The following UGGT2 variants were observed in gnomAD, a reference collection of about 807,000 sequenced individuals.
The protein encoded by UGGT2 is UDP-glucose:glycoprotein glucosyltransferase 2.
A neutral mutation model predicts 192.1 loss-of-function variants in UGGT2; 180 were observed. The observed-to-expected ratio is 0.94, with a 90% CI of 0.83 to 1.06. The LOEUF (loss-of-function observed/expected upper bound fraction) is 1.06. Among genes scored for constraint, UGGT2 ranks in the 50% least tolerant of loss-of-function variants. UGGT2 has a pLI of 0.00. For synonymous variants in UGGT2, 580 were observed against 591.0 expected, an observed-to-expected ratio of 0.98 and a Z score of 0.27; for missense variants, 1,849 against 1,795.7, an observed-to-expected ratio of 1.03 and a Z score of -0.54.
At position 95,927,226 on chromosome 13, in the gene UGGT2, T is replaced by C; in HGVS notation, c.2088A>G (p.Leu696=). The C allele has an allele frequency of 6.2e-7, 1 of 1,611,598 alleles. No individual in the cohort carries two copies. Among genetic ancestry groups the C allele is most frequent in the Non-Finnish European group, 8.5e-7 (1 of 1,178,198 alleles). The change falls in exon 18 of 39, where the codon TTA becomes TTG. Residue 696 remains leucine, a synonymous_variant. Coordinates refer to ENST00000376747, the MANE Select transcript of UGGT2 (RefSeq NM_020121.4). ...ILRTNQQYLN[L]ISTSVTADVE... is the part of the protein sequence containing the mutation. The stretch of plus-strand genomic sequence containing the variant: ...GGATTATTTTACCTGATGTAGATAT[T>C]AAATTGAGGTACTGCTGGTTAGTAC...
chr13:95,945,656 T>C (rs2049840867), intron 15 of UGGT2, among the ~76,000 whole-genome samples: 1 of 152,190 alleles, frequency 6.6e-6, no homozygotes, highest in South Asian at 2.1e-4. Flanking sequence ...TTGAATATCA[T>C]AATGATCCTT....
At chr13:95,986,483 A>T in intron 8 of UGGT2, 51 bp from the exon 9 acceptor site, 1 of 1,293,936 alleles carries the variant, frequency 7.7e-7, no homozygotes, top group Non-Finnish European at 1.1e-6. Flanking sequence ...AGACCTTTAT[A>T]GACATTTCCA....
At chr13:95,814,533 T>C (rs1047733170) in intron 38 of UGGT2, among the ~76,000 whole-genome samples, 30 of 152,342 alleles carry the variant, frequency 2.0e-4, no homozygotes, top group African/African-American at 6.5e-4. Context: ...CCTTTGTATC[T>C]TGGAAATAAC....
At chr13:95,987,421 C>T (rs932753292) in intron 8 of UGGT2, among the ~76,000 whole-genome samples, 1 of 152,156 alleles carries the variant, frequency 6.6e-6, no homozygotes, top group African/African-American at 2.4e-5. Context: ...TATGCATACT[C>T]TTTGCTTAAA....
At chr13:95,805,502 T>C (rs1009472635) in intron 38 of UGGT2, among the ~76,000 whole-genome samples, 2 of 152,202 alleles carry the variant, frequency 1.3e-5, no homozygotes, top group Non-Finnish European at 2.9e-5. Context: ...TTACTCACAG[T>C]AGCCAAAAGG....
chr13:96,014,794 A>G (rs2052276365), intron 4 of UGGT2, among the ~76,000 whole-genome samples: 1 of 152,182 alleles, frequency 6.6e-6, no homozygotes, highest in South Asian at 2.1e-4. Context: ...AACTATTAAA[A>G]TTATTCTCAT....
At chr13:95,854,177 G>A (rs1889343422) in intron 35 of UGGT2, 138 bp downstream of exon 35, 3 of 838,356 alleles carry the variant, frequency 3.6e-6, no homozygotes, top group African/African-American at 1.7e-5. Flanking sequence ...AAGAGTGACT[G>A]GCATGAAATG....
intron 20 of UGGT2, among the ~76,000 whole-genome samples, chr13:95,910,333 C>G (rs539958724): frequency 2.0e-5 from 3 of 152,022 alleles, no homozygotes; most frequent in Non-Finnish European, 2.9e-5. Context: ...AGTGTGCTGT[C>G]TTCAGGAGAC....
intron 20 of UGGT2, among the ~76,000 whole-genome samples, chr13:95,904,497 C>T (rs929764741): frequency 7.2e-6 from 1 of 138,640 alleles, no homozygotes; most frequent in Non-Finnish European, 1.5e-5. Flanking sequence ...TTCCTGTGTC[C>T]ATGTGATCTC....
chr13:95,954,277 A>G (rs1439780027), intron 12 of UGGT2, among the ~76,000 whole-genome samples: 1 of 152,208 alleles, frequency 6.6e-6, no homozygotes, highest in Non-Finnish European at 1.5e-5. Flanking sequence ...ATAAAATTCT[A>G]TGCCCCACAA....
chr13:95,866,628 C>T (rs192544103), intron 30 of UGGT2, among the ~76,000 whole-genome samples: 22 of 152,224 alleles, frequency 1.4e-4, no homozygotes, highest in Middle Eastern at 3.4e-3. Flanking sequence ...GAAAATAGAG[C>T]TAGTTTATTG....
intron 22 of UGGT2, 133 bp downstream of exon 22, chr13:95,900,674 G>T (rs1189185631): frequency 2.2e-5 from 19 of 872,710 alleles, no homozygotes; most frequent in Non-Finnish European, 2.6e-5. Flanking sequence ...GCTGAGTTGT[G>T]TCTGGTGTCT....
intron 38 of UGGT2, among the ~76,000 whole-genome samples, chr13:95,829,527 C>A (rs1036066124): frequency 2.6e-5 from 4 of 152,106 alleles, no homozygotes; most frequent in African/African-American, 9.7e-5. Flanking sequence ...ACACCATTAA[C>A]AGACAAAGAG....
chr13:95,986,236 A>T, intron 9 of UGGT2, 97 bp downstream of exon 9: 1 of 843,758 alleles, frequency 1.2e-6, no homozygotes, highest in Non-Finnish European at 1.9e-6. Context: ...ACTAGAACTA[A>T]TTGACACCTT....
intron 38 of UGGT2, 141 bp from the exon 39 acceptor site, chr13:95,801,953 G>T: frequency 1.2e-6 from 1 of 858,026 alleles, no homozygotes; most frequent in African/African-American, 1.7e-5. Flanking sequence ...GCTTCATTAC[G>T]CAACACGAGA....
At position 95,986,682 on chromosome 13, in the gene UGGT2, G is replaced by A. The variant is rs574442102; in HGVS notation, c.932-250C>T. ...TCCACAAATTACAGTATAATTTCGA[G>A]AGAGATATATGAAAAGAAATGCTCT... On this transcript the variant is annotated intron_variant, in intron 8 of 38. Transcript: ENST00000376747. Among the ~76,000 whole-genome samples the A allele has an allele frequency of 7.9e-5, 12 of 152,114 alleles. No individual in the cohort carries two copies. In the South Asian group the frequency reaches 2.3e-3, roughly 29 times the overall value.
At chr13:95,826,412 A>G (rs924755442) in intron 38 of UGGT2, among the ~76,000 whole-genome samples, 1 of 152,288 alleles carries the variant, frequency 6.6e-6, no homozygotes. Context: ...ATGATCAGAA[A>G]GGAAAAGGGA....
In UGGT2 at chr13:95,867,426, A is replaced by G. The variant is rs1290097654; in HGVS notation, c.3474-3T>C. ...CTTGAGAGTCAGTTCCTTCATGCCT[A>G]AAAGTAGAAAAATGTGTCCATAATT... On this transcript the variant is annotated splice_polypyrimidine_tract_variant and splice_region_variant and intron_variant, in intron 29 of 38. Coordinates refer to ENST00000376747, the MANE Select transcript of UGGT2 (RefSeq NM_020121.4). 1.3e-6 allele frequency: 2 copies of G among 1,599,700 alleles called. No individual in the cohort carries two copies. Among genetic ancestry groups the G allele is most frequent in the South Asian group, 1.1e-5 (1 of 87,702 alleles).
intron 12 of UGGT2, among the ~76,000 whole-genome samples, chr13:95,952,081 A>C (rs2050082097): frequency 6.6e-6 from 1 of 151,914 alleles, no homozygotes; most frequent in Non-Finnish European, 1.5e-5. Flanking sequence ...CATATTAGTC[A>C]TAGGAGTAGG....
Sources: gnomAD v4.1 joint callset for allele counts (sites outside exome capture counted in the v4.1 genomes callset) on GRCh38, gnomAD v4.1.1 for gene constraint, MANE v1.5 for transcripts, NCBI Gene and HGNC (gene_info 2026-07-23, HGNC 2026-07-21) for gene names.